The following IFT46 variants were observed in gnomAD, a reference collection of about 807,000 sequenced individuals.
IFT46 encodes intraflagellar transport protein 46 homolog.
Under a neutral mutation model 39.6 loss-of-function variants are expected in IFT46, and 19 were observed. That is an observed-to-expected ratio of 0.48 (90% CI 0.33 to 0.70). The LOEUF (loss-of-function observed/expected upper bound fraction) is 0.70, where lower values mean the gene tolerates loss of function less well. IFT46 is among the 30% of genes least tolerant of loss of function. The pLI is 0.01. For missense variants in IFT46, 334 were observed against 364.8 expected, an observed-to-expected ratio of 0.92 and a Z score of 0.69; for synonymous variants, 117 against 134.8, an observed-to-expected ratio of 0.87 and a Z score of 0.91.
intron 3 of IFT46, chr11:118,558,041 T>C (rs1460076034): frequency 6.8e-6 from 5 of 736,634 alleles, no homozygotes; most frequent in African/African-American, 3.7e-5. Flanking sequence ...GCACACAAAA[T>C]TGTGACACGT....
chr11:118,575,437 T>TGTGTGTGTGTGTGTGTG (rs1555073335), upstream of IFT46, among the ~76,000 whole-genome samples: 2 of 151,916 alleles, frequency 1.3e-5, no homozygotes, highest in African/African-American at 4.8e-5. Flanking sequence ...TGTGTGTGTG[T>TGTGTGTGTGTGTGTGTG]TTTAATTCTC....
intron 2 of IFT46, among the ~76,000 whole-genome samples, chr11:118,563,779 G>C (rs149388911): frequency 9.9e-5 from 15 of 152,192 alleles, no homozygotes; most frequent in African/African-American, 3.6e-4. Context: ...AGTTCTTTCA[G>C]GCTTCAAGGT....
intron 2 of IFT46, among the ~76,000 whole-genome samples, chr11:118,563,231 T>C (rs1421549479): frequency 6.6e-6 from 1 of 151,956 alleles, no homozygotes; most frequent in African/African-American, 2.4e-5. Flanking sequence ...GTTCCCAGAA[T>C]AAGCAAACTC....
intron 3 of IFT46, chr11:118,557,405 A>G: frequency 7.7e-6 from 3 of 388,166 alleles, no homozygotes; most frequent in Non-Finnish European, 1.4e-5. Flanking sequence ...GTTATTTTGG[A>G]AGAAAATCAG....
chr11:118,551,655 A>T (rs1951802971), intron 9 of IFT46, 131 bp downstream of exon 9: 2 of 672,522 alleles, frequency 3.0e-6, no homozygotes, highest in African/African-American at 1.9e-5. Context: ...GCCTGGGAAG[A>T]GCAAGACCCT....
At chr11:118,552,941 C>T (rs1483391365) in intron 7 of IFT46, among the ~76,000 whole-genome samples, 4 of 150,864 alleles carry the variant, frequency 2.7e-5, no homozygotes, top group Non-Finnish European at 4.4e-5. Context: ...AAAACCTAGC[C>T]AGGCATGATG....
At chr11:118,557,749 T>C (rs781808111) in intron 3 of IFT46, 35 of 1,614,008 alleles carry the variant, frequency 2.2e-5, no homozygotes, top group Non-Finnish European at 2.5e-6. Context: ...TTTCTGTGCT[T>C]CTGGCTCTCT....
At chr11:118,553,747 G>A (rs1430605835) in intron 7 of IFT46, among the ~76,000 whole-genome samples, 3 of 152,146 alleles carry the variant, frequency 2.0e-5, no homozygotes, top group Admixed American at 6.5e-5. Flanking sequence ...GACAGAACTA[G>A]AGAATGAATA....
At chr11:118,569,003 G>A (rs782818342), upstream of IFT46, among the ~76,000 whole-genome samples, 12 of 151,886 alleles carry the variant, frequency 7.9e-5, no homozygotes, top group Non-Finnish European at 1.6e-4. Flanking sequence ...AAAATAGGCC[G>A]GGAGCTGTGG....
At chr11:118,546,834 T>C (rs1305999786) in intron 9 of IFT46, 1 of 152,214 alleles carries the variant, frequency 6.6e-6, no homozygotes, top group Middle Eastern at 3.2e-3. Flanking sequence ...GGACACCATA[T>C]GAACAGAGAA....
chr11:118,545,015 C>G lies in IFT46; in HGVS notation c.820-4G>C. ...CTTCAGCGAGAGCTTTAAAATGCTG[C>G]AAGGAAGAGGAGAGGGAATATTGAG... On this transcript the variant is annotated splice_polypyrimidine_tract_variant and splice_region_variant and intron_variant, in intron 11 of 11. Coordinates refer to ENST00000264021, the MANE Select transcript of IFT46 (RefSeq NM_001168618.2). 6.3e-7 allele frequency: 1 copy of G among 1,599,432 alleles called. No homozygotes were observed.
At chr11:118,557,886 A>C (rs782672763) in intron 3 of IFT46, 2 of 1,577,272 alleles carry the variant, frequency 1.3e-6, no homozygotes, top group South Asian at 1.2e-5. Context: ...GCCCTCCCTT[A>C]GGACCTGAAG....
chr11:118,556,537 C>T (rs1937841562), intron 4 of IFT46, among the ~76,000 whole-genome samples: 1 of 152,050 alleles, frequency 6.6e-6, no homozygotes, highest in Admixed American at 6.6e-5. Context: ...TGCTATGTTG[C>T]CCAGGTTGGT....
At position 118,551,873 on chromosome 11, in the gene IFT46, A is replaced by G. The variant is rs1937653876; in HGVS notation, c.606-21T>C. Reference sequence around the variant, plus strand: ...TGGGCCTAAAAGTATAAAGGTAAATATGAACAAGAAACGTGAACTGATAAC... The same window carrying G: ...TGGGCCTAAAAGTATAAAGGTAAATGTGAACAAGAAACGTGAACTGATAAC... On this transcript the variant is annotated intron_variant, in intron 8 of 11. Coordinates refer to ENST00000264021, the MANE Select transcript of IFT46 (RefSeq NM_001168618.2). 3 of 1,607,968 alleles carry G rather than the reference A, an allele frequency of 1.9e-6. No individual in the cohort carries two copies. In the Admixed American group the frequency reaches 5.0e-5, roughly 27 times the overall value.
At chr11:118,572,899 C>A in exon 1 of IFT46, 1 of 309,744 alleles carries the variant, frequency 3.2e-6, no homozygotes, top group Non-Finnish European at 6.0e-6. Context: ...CTGATGCTGT[C>A]CCGCCGGTTC....
chr11:118,566,492 A>G (rs1938229112), upstream of IFT46, among the ~76,000 whole-genome samples: 2 of 152,148 alleles, frequency 1.3e-5, no homozygotes, highest in African/African-American at 4.8e-5. Flanking sequence ...GGAGATCGAG[A>G]CCATCCTGGC....
At chr11:118,560,546 A>G (rs1209128652) in intron 2 of IFT46, 2 of 213,578 alleles carry the variant, frequency 9.4e-6, no homozygotes, top group African/African-American at 4.7e-5. Flanking sequence ...TAGGTTAATA[A>G]CTAGTAAAGT....
At position 118,561,382 on chromosome 11, in the gene IFT46, T is replaced by C. The variant is rs113515914; in HGVS notation, c.-35-1518A>G. The C allele has an allele frequency of 3.5e-3, 2,965 of 843,344 alleles. 59 individuals carry two copies. The African/African-American group carries it at 0.042, about 12-fold the overall frequency. 52.2% of individuals were successfully genotyped at this position (843,344 alleles called of 1,614,324 possible). On this transcript the variant is annotated intron_variant, in intron 2 of 11. Transcript: ENST00000264021. Reference sequence around the variant, plus strand: ...CTCAATGCATAAAGAAGAGCGTAACTCCAGACATGATGGAAGAGATGTATA... The same window carrying C: ...CTCAATGCATAAAGAAGAGCGTAACCCCAGACATGATGGAAGAGATGTATA...
intron 9 of IFT46, among the ~76,000 whole-genome samples, chr11:118,547,744 C>CTTTTTTTTT (rs1233612951): frequency 9.9e-5 from 9 of 91,176 alleles, no homozygotes; most frequent in African/African-American, 1.5e-4. Flanking sequence ...CTTTTCTTTT[C>CTTTTTTTTT]TTTTTTTTTT....
Sources: allele counts gnomAD v4.1 joint callset (sites outside exome capture counted in the v4.1 genomes callset), GRCh38; gene constraint gnomAD v4.1.1; transcripts MANE v1.5; gene names NCBI Gene and HGNC (gene_info 2026-07-23, HGNC 2026-07-21).